The following PLXDC2 variants were observed in gnomAD, a reference collection of about 807,000 sequenced individuals.
The protein encoded by PLXDC2 is plexin domain-containing protein 2.
Under a neutral mutation model 68.9 loss-of-function variants are expected in PLXDC2, and 40 were observed. That is an observed-to-expected ratio of 0.58 (90% confidence interval 0.45 to 0.76). The LOEUF is 0.76. Among genes scored for constraint, PLXDC2 ranks in the 30% least tolerant of loss-of-function variants. The pLI is 0.00. For missense variants in PLXDC2, 644 were observed against 661.9 expected, an observed-to-expected ratio of 0.97 and a Z score of 0.30; for synonymous variants, 243 against 234.2, an observed-to-expected ratio of 1.04 and a Z score of -0.34.
intron 12 of PLXDC2, among the ~76,000 whole-genome samples, chr10:20,232,584 T>C (rs1179171339): frequency 6.6e-6 from 1 of 152,190 alleles, no homozygotes; most frequent in Non-Finnish European, 1.5e-5. Flanking sequence ...ATAAAACAGA[T>C]GCGTCCTAAA....
intron 4 of PLXDC2, among the ~76,000 whole-genome samples, chr10:20,126,416 A>ATG (rs1198427126): frequency 1.2e-4 from 17 of 142,408 alleles, no homozygotes; most frequent in South Asian, 6.6e-4. Flanking sequence ...TATACAACAC[A>ATG]CGTTATATAT....
intron 1 of PLXDC2, among the ~76,000 whole-genome samples, chr10:19,945,641 G>T (rs1326188635): frequency 1.3e-5 from 2 of 152,034 alleles, no homozygotes; most frequent in Non-Finnish European, 2.9e-5. Flanking sequence ...AATTGTCTGT[G>T]GGCTCATCAG....
At position 20,264,339 on chromosome 10, in the gene PLXDC2, A is replaced by C. The variant is rs144238732; in HGVS notation, c.1474-15364A>C. On this transcript the variant is annotated intron_variant, in intron 13 of 13. Coordinates refer to ENST00000377252, the MANE Select transcript of PLXDC2 (RefSeq NM_032812.9). ...GAGGGGGAAGGGTGGAAGGGAGAGG[A>C]GCAGAAGAGATAACTATCAGGCACT... Among the ~76,000 whole-genome samples, 163 of 152,268 alleles carry C rather than the reference A, an allele frequency of 1.1e-3. 1 individual carries two copies. The highest frequency in any genetic ancestry group is 3.8e-3 in the African/African-American group (159 of 41,558).
intron 1 of PLXDC2, among the ~76,000 whole-genome samples, chr10:19,962,500 C>T (rs1048758335): frequency 7.5e-5 from 11 of 147,538 alleles, no homozygotes; most frequent in Admixed American, 1.3e-4. Context: ...ACGCCATTCT[C>T]CCGCCTCAGC....
intron 4 of PLXDC2, among the ~76,000 whole-genome samples, chr10:20,082,064 C>A (rs56107304): frequency 0.22 from 14,617 of 66,634 alleles, 2,303 homozygotes; most frequent in Middle Eastern, 0.3. Flanking sequence ...AAAAAAAAAT[C>A]AAAAAAAAAA....
intron 1 of PLXDC2, among the ~76,000 whole-genome samples, chr10:19,987,654 A>C (rs958934569): frequency 2.0e-5 from 3 of 151,344 alleles, no homozygotes; most frequent in East Asian, 2.0e-4. Context: ...CTCAGCCTCC[A>C]GGGTTCACGC....
chr10:19,937,544 G>GTATATATATATATATATATATA (rs71388881), intron 1 of PLXDC2, among the ~76,000 whole-genome samples: 20 of 95,974 alleles, frequency 2.1e-4, no homozygotes, highest in South Asian at 3.9e-4. Context: ...TATAGTCAAT[G>GTATATATATATATATATATATA]TATATATATA....
intron 1 of PLXDC2, among the ~76,000 whole-genome samples, chr10:19,849,766 C>T (rs1177032394): frequency 2.0e-5 from 3 of 152,070 alleles, no homozygotes; most frequent in Non-Finnish European, 4.4e-5. Context: ...CAGACTAATA[C>T]AGTACATATT....
intron 1 of PLXDC2, among the ~76,000 whole-genome samples, chr10:19,850,296 A>G (rs1305508080): frequency 6.7e-6 from 1 of 149,086 alleles, no homozygotes; most frequent in South Asian, 2.1e-4. Context: ...TTTTTTTTAG[A>G]TACACACACA....
intron 6 of PLXDC2, among the ~76,000 whole-genome samples, chr10:20,161,780 C>G (rs1834295557): frequency 6.6e-6 from 1 of 151,964 alleles, no homozygotes; most frequent in South Asian, 2.1e-4. Flanking sequence ...ACCTTTAATC[C>G]CAGCAATTTG....
Position 20,121,884 on chromosome 10 carries a change from C to T in PLXDC2, c.542-21411C>T, listed in dbSNP as rs931585053. On this transcript the variant is annotated intron_variant, in intron 4 of 13. Coordinates refer to ENST00000377252, the MANE Select transcript of PLXDC2 (RefSeq NM_032812.9). ...GAGTGATAACAGGCTTTAATCCTTT[C>T]AAAGCATGCTGTGGGATGGGATATT... is the stretch of plus-strand genomic sequence containing the variant. 8.7e-4 allele frequency among the ~76,000 whole-genome samples: 132 copies of T among 152,144 alleles called. 1 individual carries two copies. The highest frequency in any genetic ancestry group is 2.3e-3 in the African/African-American group (94 of 41,490).
At chr10:20,266,762 T>C (rs1343309653) in intron 13 of PLXDC2, among the ~76,000 whole-genome samples, 1 of 152,204 alleles carries the variant, frequency 6.6e-6, no homozygotes, top group Admixed American at 6.5e-5. Context: ...GAAAATATCA[T>C]CTTATTCTTG....
intron 4 of PLXDC2, among the ~76,000 whole-genome samples, chr10:20,119,801 T>C (rs1207185346): frequency 6.6e-6 from 1 of 151,710 alleles, no homozygotes; most frequent in Non-Finnish European, 1.5e-5. Flanking sequence ...AGGGGTGATA[T>C]TGTGGATTGT....
chr10:20,033,250 A>C (rs756237659), intron 2 of PLXDC2, among the ~76,000 whole-genome samples: 7 of 152,110 alleles, frequency 4.6e-5, no homozygotes, highest in Non-Finnish European at 8.8e-5. Flanking sequence ...ACAAGCACCA[A>C]AATCCCAGTA....
At chr10:19,873,533 C>T (rs79337704) in intron 1 of PLXDC2, among the ~76,000 whole-genome samples, 26,676 of 151,076 alleles carry the variant, frequency 0.18, 2,580 homozygotes, top group South Asian at 0.23. Flanking sequence ...CATTCTCTCT[C>T]CTCTACCTTT....
At chr10:20,220,415 A>G (rs957754416) in intron 12 of PLXDC2, among the ~76,000 whole-genome samples, 12 of 152,030 alleles carry the variant, frequency 7.9e-5, no homozygotes, top group African/African-American at 2.9e-4. Flanking sequence ...TTTACTTGTT[A>G]CCTTTAAATC....
At chr10:20,050,963 A>C (rs2131687647) in intron 3 of PLXDC2, among the ~76,000 whole-genome samples, 1 of 152,260 alleles carries the variant, frequency 6.6e-6, no homozygotes, top group Non-Finnish European at 1.5e-5. Context: ...TATTCACAAA[A>C]GCAAAGACAT....
At chr10:20,079,300 A>G (rs1465821538) in intron 4 of PLXDC2, among the ~76,000 whole-genome samples, 1 of 152,216 alleles carries the variant, frequency 6.6e-6, no homozygotes, top group Non-Finnish European at 1.5e-5. Flanking sequence ...CAAAACTGCA[A>G]TGAGATACCA....
intron 13 of PLXDC2, among the ~76,000 whole-genome samples, chr10:20,260,200 C>T (rs1056267569): frequency 6.6e-6 from 1 of 152,132 alleles, no homozygotes; most frequent in African/African-American, 2.4e-5. Flanking sequence ...TTGTGTGATA[C>T]ATGCACCTAA....
Sources: allele counts gnomAD v4.1 joint callset (sites outside exome capture counted in the v4.1 genomes callset), GRCh38; gene constraint gnomAD v4.1.1; transcripts MANE v1.5; gene names NCBI Gene and HGNC (gene_info 2026-07-23, HGNC 2026-07-21).